The following AGAP1 variants were observed in gnomAD, a reference collection of about 807,000 sequenced individuals.
AGAP1 encodes the protein arf-GAP with GTPase, ANK repeat and PH domain-containing protein 1.
In AGAP1, 29 loss-of-function variants were observed where a neutral mutation model predicts 105.3. The ratio of observed to expected loss-of-function variants is 0.28; its 90% CI spans 0.21 to 0.38. The LOEUF (loss-of-function observed/expected upper bound fraction) is 0.38. Among genes scored for constraint, AGAP1 ranks in the 10% least tolerant of loss-of-function variants. The pLI is 1.00. For missense variants in AGAP1, 998 were observed against 1,165.1 expected (o/e 0.86, Z 2.09); for synonymous variants, 509 against 485.9 (o/e 1.05, Z -0.63).
At chr2:235,890,105 GAGA>G (rs2050461837) in intron 10 of AGAP1, among the ~76,000 whole-genome samples, 1 of 151,652 alleles carries the variant, frequency 6.6e-6, no homozygotes, top group African/African-American at 2.4e-5. Flanking sequence ...TGTAGGTTGA[GAGA>G]AGGAGGTATG....
intron 1 of AGAP1, among the ~76,000 whole-genome samples, chr2:235,673,416 T>G (rs1055902895): frequency 3.3e-5 from 5 of 152,168 alleles, no homozygotes; most frequent in African/African-American, 1.2e-4. Flanking sequence ...ACAGGTGGGT[T>G]TGTAGGACTC....
chr2:235,991,029 TC>T (rs1165622449), intron 13 of AGAP1, among the ~76,000 whole-genome samples: 2 of 152,174 alleles, frequency 1.3e-5, no homozygotes, highest in African/African-American at 4.8e-5. Context: ...GTCGGCATCT[TC>T]CTGGCCAGGG....
chr2:235,607,042 G>T (rs1945964948), intron 1 of AGAP1, among the ~76,000 whole-genome samples: 1 of 151,770 alleles, frequency 6.6e-6, no homozygotes, highest in Non-Finnish European at 1.5e-5. Context: ...CCATGAGACT[G>T]GCAGGTGAGA....
rs1179909954 is a variant in AGAP1 at position 235,842,062 on chromosome 2, A to G, written c.1050+34731A>G. On this transcript the variant is annotated intron_variant, in intron 9 of 17. Coordinates refer to ENST00000304032, the MANE Select transcript of AGAP1 (RefSeq NM_001037131.3). This position sits in a 1 kb window ranked among gnomAD's most constrained non-coding sequence, Gnocchi z 5.3. The stretch of plus-strand genomic sequence containing the variant: ...TGCTGCTTCCTGCGGGATGTCGCTC[A>G]TGTGGAGGAGGGCCTCTCGTTGGAA... 6.6e-6 allele frequency among the ~76,000 whole-genome samples: 1 copy of G among 152,014 alleles called. No homozygotes were observed. The highest frequency in any genetic ancestry group is 1.5e-5 in the Non-Finnish European group (1 of 67,992).
At chr2:235,903,581 G>A (rs1417333160) in intron 10 of AGAP1, among the ~76,000 whole-genome samples, 2 of 152,144 alleles carry the variant, frequency 1.3e-5, no homozygotes, top group East Asian at 3.9e-4. Context: ...ATGGATTGCT[G>A]TATTTTGAGC....
rs768093110 is a variant in AGAP1 at position 235,725,017 on chromosome 2, C to T, written c.310+7373C>T. 9.2e-5 allele frequency among the ~76,000 whole-genome samples: 14 copies of T among 152,152 alleles called. No homozygotes were observed. The highest frequency in any genetic ancestry group is 1.8e-4 in the Non-Finnish European group (12 of 68,040). ...AAAGGACGTCTCGTTTCCAGCATGT[C>T]GGGGGTCAGGCTGTGCTGCACTGAG... is the stretch of plus-strand genomic sequence containing the variant. On this transcript the variant is annotated intron_variant, in intron 3 of 17. Coordinates refer to ENST00000304032, the MANE Select transcript of AGAP1 (RefSeq NM_001037131.3). The surrounding 1 kb of genome is among the most constrained non-coding windows in gnomAD (Gnocchi z 5.7).
chr2:236,009,824 C>A lies in AGAP1; in HGVS notation c.1646-26737C>A, dbSNP rs1447680006. Among the ~76,000 whole-genome samples, 1 of 152,164 alleles carries A rather than the reference C, an allele frequency of 6.6e-6. No individual in the cohort carries two copies. Among genetic ancestry groups the A allele is most frequent in the Non-Finnish European group, 1.5e-5 (1 of 68,034 alleles). On this transcript the variant is annotated intron_variant, in intron 13 of 17. Transcript: ENST00000304032. This position sits in a 1 kb window ranked among gnomAD's most constrained non-coding sequence, Gnocchi z 4.2. Reference sequence around the variant, plus strand: ...TCCAACATGGCTGACGCGCCTTGGACACACAGCCTCGGCGCTGCATCATTT... The same window carrying A: ...TCCAACATGGCTGACGCGCCTTGGAAACACAGCCTCGGCGCTGCATCATTT...
intron 1 of AGAP1, chr2:235,524,510 A>G: frequency 5.7e-6 from 2 of 348,304 alleles, no homozygotes; most frequent in Admixed American, 3.6e-5. Context: ...GTGAGAAGAC[A>G]GGCCACGGGG....
Position 235,744,756 on chromosome 2 carries a change from T to G in AGAP1, c.455T>G (p.Phe152Cys). Reference sequence around the variant, plus strand: ...TTCAGCTTGGAGGATGAAATAAGTTTCCAGACCGTTTACCACTACTACAGT... The same window carrying G: ...TTCAGCTTGGAGGATGAAATAAGTTGCCAGACCGTTTACCACTACTACAGT... ...FVFSLEDEISFQTVYHYYSRM... is the reference protein window; with the variant it reads ...FVFSLEDEISCQTVYHYYSRM... Residue 152 changes from phenylalanine (F) to cysteine (C), a missense_variant, in exon 5 of 18, where the codon TTC (phenylalanine) becomes TGC (cysteine). Physicochemically the swap from Phe to Cys is radical, Grantham distance 205. Coordinates refer to ENST00000304032, the MANE Select transcript of AGAP1 (RefSeq NM_001037131.3). The surrounding 1 kb of genome is among the most constrained non-coding windows in gnomAD (Gnocchi z 5.2). 1 of 1,613,876 alleles carries G rather than the reference T, an allele frequency of 6.2e-7. No homozygotes were observed. Among genetic ancestry groups the G allele is most frequent in the East Asian group, 2.2e-5 (1 of 44,826 alleles).
chr2:235,617,921 T>G (rs1204299242), intron 1 of AGAP1, among the ~76,000 whole-genome samples: 1 of 152,172 alleles, frequency 6.6e-6, no homozygotes. Flanking sequence ...AAGATGGCAG[T>G]TGGGGGACCT....
Position 235,864,616 on chromosome 2 carries a change from C to T in AGAP1, c.1051-18729C>T, listed in dbSNP as rs938127898. Among the ~76,000 whole-genome samples the T allele has an allele frequency of 5.3e-5, 8 of 151,972 alleles. No individual in the cohort carries two copies. Among genetic ancestry groups the T allele is most frequent in the African/African-American group, 1.4e-4 (6 of 41,380 alleles). On this transcript the variant is annotated intron_variant, in intron 9 of 17. Transcript: ENST00000304032. The surrounding 1 kb of genome is among the most constrained non-coding windows in gnomAD (Gnocchi z 5.0). ...GTGCAGATACTGTCGTCCCTGGTGT[C>T]GTCCCTGAAAATCTTGTGACAGGGA...
intron 1 of AGAP1, among the ~76,000 whole-genome samples, chr2:235,570,523 C>G (rs181860727): frequency 1.3e-5 from 2 of 152,330 alleles, no homozygotes; most frequent in Non-Finnish European, 2.9e-5. Flanking sequence ...TAAAGGCAGC[C>G]TCCCGTTCCT....
intron 12 of AGAP1, among the ~76,000 whole-genome samples, chr2:235,956,027 A>C (rs1046117650): frequency 1.3e-5 from 2 of 152,232 alleles, no homozygotes; most frequent in African/African-American, 4.8e-5. Flanking sequence ...GGGCTCCTAC[A>C]TCTAATTACC....
At chr2:235,884,785 T>C (rs1483980665) in intron 10 of AGAP1, among the ~76,000 whole-genome samples, 1 of 152,204 alleles carries the variant, frequency 6.6e-6, no homozygotes, top group Non-Finnish European at 1.5e-5. Flanking sequence ...CATAGTTGAT[T>C]GAATCTGCAC....
rs996651645 is a variant in AGAP1 at position 235,993,923 on chromosome 2, A to G, written c.1645+25300A>G. ...TGGGAAAAGTCTGTGAGCAAATGGG[A>G]TTTTACTAATATGAAAACCCAGAAC... On this transcript the variant is annotated intron_variant, in intron 13 of 17. Transcript: ENST00000304032. This position sits in a 1 kb window ranked among gnomAD's most constrained non-coding sequence, Gnocchi z 5.0. Among the ~76,000 whole-genome samples the G allele has an allele frequency of 3.3e-5, 5 of 152,020 alleles. No homozygotes were observed. Among genetic ancestry groups the G allele is most frequent in the Non-Finnish European group, 7.4e-5 (5 of 68,004 alleles).
rs1009368141 is a variant in AGAP1 at position 235,936,686 on chromosome 2, A to T, written c.1483+5763A>T. ...GACCAGCAGGCGGCGGTAATGTGAT[A>T]CTGCCGGTCTCTGACCTGGAAGCTT... On this transcript the variant is annotated intron_variant, in intron 12 of 17. Transcript: ENST00000304032. The surrounding 1 kb of genome is among the most constrained non-coding windows in gnomAD (Gnocchi z 4.7). 6.6e-6 allele frequency among the ~76,000 whole-genome samples: 1 copy of T among 152,260 alleles called. No homozygotes were observed. Among genetic ancestry groups the T allele is most frequent in the Admixed American group, 6.5e-5 (1 of 15,290 alleles).
chr2:235,512,712 A>T (rs377030240), intron 1 of AGAP1, among the ~76,000 whole-genome samples: 1 of 152,130 alleles, frequency 6.6e-6, no homozygotes, highest in East Asian at 1.9e-4. Context: ...TCTGAGCTGG[A>T]GGTAGGTGAT....
At chr2:235,516,530 T>G (rs1261693466) in intron 1 of AGAP1, among the ~76,000 whole-genome samples, 2 of 152,138 alleles carry the variant, frequency 1.3e-5, no homozygotes, top group Non-Finnish European at 2.9e-5. Flanking sequence ...TTCCTCTAGC[T>G]TTACTCCAAA....
Position 235,994,059 on chromosome 2 carries a change from CT to C in AGAP1, c.1645+25437del, listed in dbSNP as rs889648354. Among the ~76,000 whole-genome samples, 4 of 152,186 alleles carry C rather than the reference CT, an allele frequency of 2.6e-5. No homozygotes were observed. Among genetic ancestry groups the C allele is most frequent in the African/African-American group, 7.2e-5 (3 of 41,424 alleles). On this transcript the variant is annotated intron_variant, in intron 13 of 17. Coordinates refer to ENST00000304032, the MANE Select transcript of AGAP1 (RefSeq NM_001037131.3). This position sits in a 1 kb window ranked among gnomAD's most constrained non-coding sequence, Gnocchi z 4.4. ...ATGGCTGTAGCACAGACACCTTCCCCTGGGACCCCCATTGGCTGTGTGTCCC... is the reference window on the plus strand; with the variant it reads ...ATGGCTGTAGCACAGACACCTTCCCCGGGACCCCCATTGGCTGTGTGTCCC...
Sources: gnomAD v4.1 joint callset for allele counts (sites outside exome capture counted in the v4.1 genomes callset) on GRCh38, gnomAD v4.1.1 for gene constraint, Gnocchi (gnomAD v3.1) non-coding constraint, MANE v1.5 for transcripts, NCBI Gene and HGNC (gene_info 2026-07-23, HGNC 2026-07-21) for gene names.